The following RHOU variants were observed in gnomAD, a reference collection of about 807,000 sequenced individuals.
RHOU encodes ras homolog family member U.
Under a neutral mutation model 12.6 loss-of-function variants are expected in RHOU, and 8 were observed. That is an observed-to-expected ratio of 0.64 (90% CI 0.37 to 1.15). The LOEUF (loss-of-function observed/expected upper bound fraction) is 1.15. Ranked by LOEUF, RHOU falls within the 50% of genes most tolerant of loss-of-function variation. The pLI is 0.01. For missense variants in RHOU, 258 were observed against 347.0 expected (o/e 0.74, Z 2.04); for synonymous variants, 161 against 147.4 (o/e 1.09, Z -0.67).
chr1:228,727,895 TATC>T, the RHOU span, among the ~76,000 whole-genome samples: 1 of 152,172 alleles, frequency 6.6e-6, no homozygotes. Flanking sequence ...AATGAGTTCT[TATC>T]ATCTCTGAGA....
chr1:228,716,821 T>C, the RHOU span, among the ~76,000 whole-genome samples: 2 of 152,188 alleles, frequency 1.3e-5, no homozygotes, highest in South Asian at 4.1e-4. Flanking sequence ...AATATGTTTT[T>C]TTCAGTTTGA....
the RHOU span, among the ~76,000 whole-genome samples, chr1:228,709,907 C>T: frequency 1.0e-3 from 159 of 151,882 alleles, no homozygotes; most frequent in African/African-American, 3.5e-3. Flanking sequence ...ATTGATAGAC[C>T]GCTAGCAAGA....
the RHOU span, among the ~76,000 whole-genome samples, chr1:228,669,737 G>T: frequency 6.6e-6 from 1 of 152,160 alleles, no homozygotes; most frequent in Non-Finnish European, 1.5e-5. Flanking sequence ...TGGCATGACC[G>T]TTTAGTATGG....
At chr1:228,650,945 C>T in the RHOU span, 18 of 361,506 alleles carry the variant, frequency 5.0e-5, no homozygotes, top group Non-Finnish European at 3.3e-5. Flanking sequence ...CATTAGCTCT[C>T]ACTTTCAAGA....
chr1:228,707,255 A>ACATAT, the RHOU span, among the ~76,000 whole-genome samples: 1 of 40,710 alleles, frequency 2.5e-5, no homozygotes, highest in African/African-American at 1.1e-4. Flanking sequence ...ATATATATAT[A>ACATAT]GTGTGTGTGT....
chr1:228,730,695 A>C (rs559210776), upstream of RHOU, among the ~76,000 whole-genome samples: 1 of 152,352 alleles, frequency 6.6e-6, no homozygotes, highest in Non-Finnish European at 1.5e-5. Flanking sequence ...TGAAAAAACT[A>C]GGGCACTGCT....
the RHOU span, among the ~76,000 whole-genome samples, chr1:228,647,613 T>G: frequency 2.6e-3 from 402 of 152,102 alleles, 2 homozygotes; most frequent in African/African-American, 9.3e-3. Context: ...GCCGGATGAG[T>G]GAATTGAATT....
the RHOU span, among the ~76,000 whole-genome samples, chr1:228,709,623 C>T: frequency 1.4e-5 from 2 of 139,792 alleles, no homozygotes; most frequent in African/African-American, 5.3e-5. Flanking sequence ...AGAACAAAGA[C>T]ACAACATACC....
At chr1:228,657,685 A>G in the RHOU span, among the ~76,000 whole-genome samples, 2 of 152,226 alleles carry the variant, frequency 1.3e-5, no homozygotes, top group Non-Finnish European at 2.9e-5. Flanking sequence ...AATCTGGCAG[A>G]CATGTATAGG....
At chr1:228,711,727 A>G in the RHOU span, among the ~76,000 whole-genome samples, 6 of 151,012 alleles carry the variant, frequency 4.0e-5, no homozygotes, top group African/African-American at 1.5e-4. Context: ...CCTAGGCATT[A>G]CCATTCAGGA....
chr1:228,697,742 G>A, the RHOU span, among the ~76,000 whole-genome samples: 1 of 152,108 alleles, frequency 6.6e-6, no homozygotes, highest in Non-Finnish European at 1.5e-5. Flanking sequence ...TGTGCTCCCT[G>A]ATTTTAGAGG....
chr1:228,647,681 C>A, the RHOU span, among the ~76,000 whole-genome samples: 1 of 152,152 alleles, frequency 6.6e-6, no homozygotes, highest in African/African-American at 2.4e-5. Flanking sequence ...CTGGCCTGCA[C>A]CTTAGTGATC....
chr1:228,659,922 T>C, the RHOU span, among the ~76,000 whole-genome samples: 2 of 129,442 alleles, frequency 1.5e-5, no homozygotes, highest in African/African-American at 2.9e-5. Context: ...AGTTCAAGAC[T>C]AGCCTGGGAA....
At chr1:228,689,520 A>C in the RHOU span, among the ~76,000 whole-genome samples, 1 of 152,126 alleles carries the variant, frequency 6.6e-6, no homozygotes, top group Non-Finnish European at 1.5e-5. Flanking sequence ...ATATGCAATC[A>C]CTTGACTACT....
At chr1:228,719,029 T>G in the RHOU span, among the ~76,000 whole-genome samples, 1 of 152,204 alleles carries the variant, frequency 6.6e-6, no homozygotes, top group Non-Finnish European at 1.5e-5. Flanking sequence ...GAAAGCCCTT[T>G]AATGGCATCT....
At chr1:228,741,674 T>C (rs959798313) in intron 2 of RHOU, among the ~76,000 whole-genome samples, 1 of 152,218 alleles carries the variant, frequency 6.6e-6, no homozygotes, top group African/African-American at 2.4e-5. Flanking sequence ...TATTTTTCTT[T>C]TTAAAAATTT....
At chr1:228,658,444 C>T in the RHOU span, among the ~76,000 whole-genome samples, 2 of 152,154 alleles carry the variant, frequency 1.3e-5, no homozygotes, top group African/African-American at 4.8e-5. Context: ...CACAATGTTC[C>T]TCCGCTCTGA....
At chr1:228,718,239 G>GAATC in the RHOU span, among the ~76,000 whole-genome samples, 9 of 152,190 alleles carry the variant, frequency 5.9e-5, no homozygotes, top group African/African-American at 1.9e-4. Flanking sequence ...GAAATAGGGA[G>GAATC]AATCAAGAAG....
the RHOU span, among the ~76,000 whole-genome samples, chr1:228,703,332 C>T: frequency 6.6e-6 from 1 of 152,158 alleles, no homozygotes; most frequent in Admixed American, 6.5e-5. Flanking sequence ...CGAGACCATC[C>T]TGGCTAACAT....
Sources: allele counts gnomAD v4.1 joint callset (sites outside exome capture counted in the v4.1 genomes callset), GRCh38; gene constraint gnomAD v4.1.1; transcripts MANE v1.5; gene names NCBI Gene and HGNC (gene_info 2026-07-23, HGNC 2026-07-21).